MBD2: variants seen among roughly 807,000 people sequenced by gnomAD.
MBD2 encodes the protein methyl-CpG-binding domain protein 2.
In MBD2, 9 loss-of-function variants were observed where a neutral mutation model predicts 39.3. The ratio of observed to expected loss-of-function variants is 0.23; its 90% CI spans 0.14 to 0.40. MBD2 has a LOEUF of 0.40. MBD2 is among the 10% of genes least tolerant of loss of function. The pLI, the probability that MBD2 is intolerant of heterozygous loss-of-function variation, is 1.00. For missense variants in MBD2, 458 were observed against 532.6 expected (o/e 0.86, Z 1.38); for synonymous variants, 233 against 211.1 (o/e 1.10, Z -0.90).
chr18:54,187,548 T>C (rs1039407732), intron 3 of MBD2, among the ~76,000 whole-genome samples: 1 of 152,194 alleles, frequency 6.6e-6, no homozygotes, highest in Non-Finnish European at 1.5e-5. Context: ...GTAATGAATA[T>C]ACTGCAACCT....
In MBD2 at chr18:54,164,425, A is replaced by G. The variant is rs559507594; in HGVS notation, c.1109+98T>C. 1.2e-5 allele frequency: 12 copies of G among 1,030,366 alleles called. No homozygotes were observed. In the East Asian group the frequency reaches 1.7e-4, roughly 15 times the overall value. The allele number at this position is 1,030,366 out of a possible 1,614,324, so 63.8% of individuals were successfully genotyped here. On this transcript the variant is annotated intron_variant, in intron 5 of 6. Coordinates refer to ENST00000256429, the MANE Select transcript of MBD2 (RefSeq NM_003927.5). Reference sequence around the variant, plus strand: ...AGAAAAGTATAACTTTCTAGGTGATATATCACTTACTAGATATGCCACTGA... The same window carrying G: ...AGAAAAGTATAACTTTCTAGGTGATGTATCACTTACTAGATATGCCACTGA...
At chr18:54,176,969 G>C (rs1001495596) in intron 3 of MBD2, among the ~76,000 whole-genome samples, 1 of 152,220 alleles carries the variant, frequency 6.6e-6, no homozygotes, top group Admixed American at 6.5e-5. Context: ...AGCGTTTGCT[G>C]TAGTTGTTTG....
At chr18:54,222,264 C>CT (rs35724361) in intron 1 of MBD2, 325 of 441,498 alleles carry the variant, frequency 7.4e-4, no homozygotes, top group South Asian at 9.9e-4. Flanking sequence ...CCACAATAAC[C>CT]TTTTTTTTTA....
At chr18:54,170,035 G>T (rs1845833991) in intron 3 of MBD2, among the ~76,000 whole-genome samples, 1 of 152,176 alleles carries the variant, frequency 6.6e-6, no homozygotes, top group South Asian at 2.1e-4. Flanking sequence ...ACATGGGATG[G>T]AATTAAAAGT....
intron 3 of MBD2, among the ~76,000 whole-genome samples, chr18:54,168,029 A>C (rs1599078047): frequency 6.6e-6 from 1 of 150,458 alleles, no homozygotes; most frequent in East Asian, 1.9e-4. Context: ...GGATAAGATT[A>C]GTAAGTGCTT....
At chr18:54,208,650 T>C (rs113892041) in intron 1 of MBD2, among the ~76,000 whole-genome samples, 4,897 of 152,326 alleles carry the variant, frequency 0.032, 260 homozygotes, top group African/African-American at 0.11. Context: ...AAGATAAGCA[T>C]ACTGTTCTTA....
chr18:54,204,432 T>C (rs2086433194), intron 2 of MBD2, among the ~76,000 whole-genome samples: 2 of 152,214 alleles, frequency 1.3e-5, no homozygotes, highest in South Asian at 4.1e-4. Context: ...TTTGGAATGT[T>C]CAAACTGTAT....
At chr18:54,207,967 G>A (rs1179551277) in intron 1 of MBD2, among the ~76,000 whole-genome samples, 1 of 152,106 alleles carries the variant, frequency 6.6e-6, no homozygotes, top group Non-Finnish European at 1.5e-5. Flanking sequence ...GAACCCAGGA[G>A]GCGGAGCTTG....
chr18:54,156,428 T>C lies in MBD2; in HGVS notation c.*13-1117A>G, dbSNP rs921075057. ...CAACATTAGTTTGTTATTACTATTATCCACATTTGTGCAAGGCAATGAGAA... is the reference window on the plus strand; with the variant it reads ...CAACATTAGTTTGTTATTACTATTACCCACATTTGTGCAAGGCAATGAGAA... On this transcript the variant is annotated intron_variant, in intron 6 of 6. Coordinates refer to ENST00000256429, the MANE Select transcript of MBD2 (RefSeq NM_003927.5). 3.3e-5 allele frequency among the ~76,000 whole-genome samples: 5 copies of C among 152,220 alleles called. No homozygotes were observed. The South Asian group carries it at 1.0e-3, about 32-fold the overall frequency.
intron 1 of MBD2, among the ~76,000 whole-genome samples, chr18:54,211,674 A>G (rs754278471): frequency 6.6e-6 from 1 of 152,048 alleles, no homozygotes; most frequent in Non-Finnish European, 1.5e-5. Flanking sequence ...GCATCACCTC[A>G]GGTCTAAATC....
chr18:54,180,896 T>TC (rs2086246089), intron 3 of MBD2, among the ~76,000 whole-genome samples: 8 of 110,020 alleles, frequency 7.3e-5, no homozygotes, highest in African/African-American at 2.7e-4. Context: ...CTTAATTTTT[T>TC]CTTTTTCTTT....
chr18:54,224,439 G>A lies in MBD2; in HGVS notation c.121C>T (p.Leu41Phe). The stretch of plus-strand genomic sequence containing the variant: ...ACGCCGCTCACCGGGGACGGGGCGA[G>A]CGCGCTGCCCTGGCCCCCCTGCTCT... ...AIEQGGQGSALAPSPVSGVRR... is the reference protein window; with the variant it reads ...AIEQGGQGSAFAPSPVSGVRR... Residue 41 changes from leucine (L) to phenylalanine (F), a missense_variant, in exon 1 of 7, where the codon CTC becomes TTC. Physicochemically the swap from Leu to Phe is conservative, Grantham distance 22 (BLOSUM62 0). Coordinates refer to ENST00000256429, the MANE Select transcript of MBD2 (RefSeq NM_003927.5). 1 of 1,242,806 alleles carries A rather than the reference G, an allele frequency of 8.0e-7. No homozygotes were observed. The highest frequency in any genetic ancestry group is 1.0e-6 in the Non-Finnish European group (1 of 997,094). The allele number at this position is 1,242,806 out of a possible 1,614,324, so 77.0% of individuals were successfully genotyped here.
chr18:54,197,613 G>A (rs770681121), intron 2 of MBD2, among the ~76,000 whole-genome samples: 1 of 152,120 alleles, frequency 6.6e-6, no homozygotes, highest in Non-Finnish European at 1.5e-5. Context: ...TAAAAACCAA[G>A]AACTCACCCT....
At chr18:54,156,587 G>A (rs887353467) in intron 6 of MBD2, among the ~76,000 whole-genome samples, 2 of 152,258 alleles carry the variant, frequency 1.3e-5, no homozygotes, top group South Asian at 4.1e-4. Context: ...GGCTCATGCT[G>A]TAATCCCAGC....
chr18:54,180,528 G>A (rs976703223), intron 3 of MBD2, among the ~76,000 whole-genome samples: 4 of 152,116 alleles, frequency 2.6e-5, no homozygotes, highest in Admixed American at 2.6e-4. Flanking sequence ...TGACGGCAGA[G>A]AGAGAGAACT....
chr18:54,214,753 T>C (rs563878025), intron 1 of MBD2, among the ~76,000 whole-genome samples: 1 of 148,960 alleles, frequency 6.7e-6, no homozygotes, highest in Admixed American at 6.8e-5. Flanking sequence ...TTTTTTTTTT[T>C]TTTTTAGACG....
At chr18:54,210,653 C>T (rs2086496183) in intron 1 of MBD2, among the ~76,000 whole-genome samples, 1 of 152,060 alleles carries the variant, frequency 6.6e-6, no homozygotes, top group Admixed American at 6.6e-5. Flanking sequence ...TAGCAGTCAC[C>T]AGACTGGAGT....
At chr18:54,189,513 C>T (rs930362943) in intron 2 of MBD2, among the ~76,000 whole-genome samples, 40 of 152,120 alleles carry the variant, frequency 2.6e-4, no homozygotes, top group Admixed American at 7.9e-4. Flanking sequence ...TGAGCCACCG[C>T]GCCCGGCCAG....
chr18:54,205,374 C>T (rs1235091985), intron 1 of MBD2, among the ~76,000 whole-genome samples: 1 of 151,828 alleles, frequency 6.6e-6, no homozygotes, highest in East Asian at 1.9e-4. Flanking sequence ...GAGATCAAGA[C>T]CAGTCCGGCC....
Sources: allele counts gnomAD v4.1 joint callset (sites outside exome capture counted in the v4.1 genomes callset), GRCh38; gene constraint gnomAD v4.1.1; transcripts MANE v1.5; gene names NCBI Gene and HGNC (gene_info 2026-07-23, HGNC 2026-07-21).